CACNA2D1: variants seen among roughly 807,000 people sequenced by gnomAD.
CACNA2D1 encodes the protein calcium voltage-gated channel auxiliary subunit alpha2delta 1.
In CACNA2D1, 53 loss-of-function variants were observed where a neutral mutation model predicts 171.5. That is an observed-to-expected ratio of 0.31 (90% CI 0.25 to 0.39). The LOEUF is 0.39. CACNA2D1 is among the 10% of genes least tolerant of loss of function. CACNA2D1 has a pLI of 1.00. For missense variants in CACNA2D1, 903 were observed against 1,299.8 expected, an observed-to-expected ratio of 0.69 and a Z score of 4.69; for synonymous variants, 442 against 443.1, an observed-to-expected ratio of 1.00 and a Z score of 0.03.
chr7:82,288,486 A>C (rs940763159), intron 3 of CACNA2D1, among the ~76,000 whole-genome samples: 13 of 151,972 alleles, frequency 8.6e-5, no homozygotes, highest in African/African-American at 2.9e-4. Context: ...CTTTTAACAA[A>C]GAGTTATTGA....
At chr7:82,131,275 G>T (rs969514559) in intron 5 of CACNA2D1, among the ~76,000 whole-genome samples, 1 of 152,094 alleles carries the variant, frequency 6.6e-6, no homozygotes, top group Non-Finnish European at 1.5e-5. Flanking sequence ...CCAATCACAG[G>T]CTGCCCACTG....
At chr7:82,324,806 A>G (rs1816443366) in intron 3 of CACNA2D1, among the ~76,000 whole-genome samples, 2 of 152,152 alleles carry the variant, frequency 1.3e-5, no homozygotes, top group African/African-American at 4.8e-5. Context: ...TATTAAGTGG[A>G]AGAAAATAGA....
rs116980126 is a variant in CACNA2D1 at position 82,256,359 on chromosome 7, C to A, written c.294+78776G>T. Among the ~76,000 whole-genome samples, 30 of 152,216 alleles carry A rather than the reference C, an allele frequency of 2.0e-4. No homozygotes were observed. The East Asian group carries it at 5.4e-3, about 27-fold the overall frequency. ...CAGAGTTTGATCTTCTCTCCAAGTTCTTGTGGAATGATTCCATTCAAGCTG... is the reference window on the plus strand; with the variant it reads ...CAGAGTTTGATCTTCTCTCCAAGTTATTGTGGAATGATTCCATTCAAGCTG... On this transcript the variant is annotated intron_variant, in intron 3 of 38. Coordinates refer to ENST00000356860, the MANE Select transcript of CACNA2D1 (RefSeq NM_000722.4).
chr7:82,380,506 A>G (rs1376548109), intron 1 of CACNA2D1, among the ~76,000 whole-genome samples: 2 of 152,302 alleles, frequency 1.3e-5, no homozygotes, highest in African/African-American at 2.4e-5. Flanking sequence ...TTCTGCTAGA[A>G]CATATTTTTA....
chr7:82,010,375 CTTTT>C (rs747804456), intron 15 of CACNA2D1, among the ~76,000 whole-genome samples: 3 of 138,418 alleles, frequency 2.2e-5, no homozygotes. Context: ...TCACGTGTTC[CTTTT>C]TTTTTTTTTT....
intron 10 of CACNA2D1, among the ~76,000 whole-genome samples, chr7:82,044,234 C>T (rs910256379): frequency 2.0e-5 from 3 of 152,068 alleles, no homozygotes; most frequent in African/African-American, 7.2e-5. Context: ...AGACCGTTCT[C>T]CTATGTATGG....
chr7:82,008,782 A>C (rs1309724299), intron 15 of CACNA2D1, among the ~76,000 whole-genome samples: 2 of 152,154 alleles, frequency 1.3e-5, no homozygotes, highest in Non-Finnish European at 2.9e-5. Flanking sequence ...AGAACATTAA[A>C]AATATTTATT....
chr7:82,104,371 T>C (rs1283825793), intron 6 of CACNA2D1, among the ~76,000 whole-genome samples: 1 of 152,052 alleles, frequency 6.6e-6, no homozygotes, highest in Non-Finnish European at 1.5e-5. Context: ...AAAATTAGAC[T>C]GATTTTGGTT....
intron 6 of CACNA2D1, among the ~76,000 whole-genome samples, chr7:82,086,456 C>T (rs1197075629): frequency 6.6e-5 from 10 of 152,014 alleles, no homozygotes; most frequent in African/African-American, 2.2e-4. Flanking sequence ...TCAGATCCAT[C>T]GTGCATCTGA....
At position 82,326,650 on chromosome 7, in the gene CACNA2D1, A is replaced by G. The variant is rs897467247; in HGVS notation, c.294+8485T>C. ...TCTTCTCCATCTAAGTAACCAGCTC[A>G]TTGACTCATGCCTCTACCTTGTTTT... is the stretch of plus-strand genomic sequence containing the variant. On this transcript the variant is annotated intron_variant, in intron 3 of 38. Coordinates refer to ENST00000356860, the MANE Select transcript of CACNA2D1 (RefSeq NM_000722.4). Among the ~76,000 whole-genome samples, 4 of 108,630 alleles carry G rather than the reference A, an allele frequency of 3.7e-5. 1 individual carries two copies. Among genetic ancestry groups the G allele is most frequent in the African/African-American group, 1.2e-4 (4 of 34,482 alleles). 71.3% of individuals were successfully genotyped at this position (108,630 alleles called of 152,430 possible).
chr7:82,128,008 C>G (rs1056020156), intron 5 of CACNA2D1, among the ~76,000 whole-genome samples: 12 of 152,142 alleles, frequency 7.9e-5, no homozygotes, highest in African/African-American at 2.9e-4. Flanking sequence ...ACTGCAGCCC[C>G]GACCTACTGG....
intron 1 of CACNA2D1, among the ~76,000 whole-genome samples, chr7:82,434,629 G>A (rs1271657172): frequency 6.6e-6 from 1 of 152,012 alleles, no homozygotes; most frequent in East Asian, 1.9e-4. Flanking sequence ...GCAGTATTTG[G>A]TTTTCTGTTC....
chr7:82,004,091 T>A (rs1380201959), intron 18 of CACNA2D1, among the ~76,000 whole-genome samples: 3 of 152,152 alleles, frequency 2.0e-5, no homozygotes, highest in Non-Finnish European at 4.4e-5. Flanking sequence ...TAGGGGAATT[T>A]AATTGAAAAT....
At chr7:82,442,654 G>A (rs1234114080) in intron 1 of CACNA2D1, among the ~76,000 whole-genome samples, 2 of 152,148 alleles carry the variant, frequency 1.3e-5, no homozygotes, top group Admixed American at 1.3e-4. Context: ...TAGGAGACTG[G>A]AAATAGTCCC....
intron 3 of CACNA2D1, among the ~76,000 whole-genome samples, chr7:82,226,101 T>C (rs893871391): frequency 5.3e-5 from 8 of 152,222 alleles, no homozygotes; most frequent in Admixed American, 1.3e-4. Context: ...GTTTGCTTAT[T>C]AAGTTGTCAG....
chr7:82,068,732 G>T (rs547552810), intron 7 of CACNA2D1, among the ~76,000 whole-genome samples: 1 of 152,018 alleles, frequency 6.6e-6, no homozygotes, highest in South Asian at 2.1e-4. Context: ...GGTCTGCAAC[G>T]AATCTGATAA....
chr7:82,084,291 C>T (rs1810180078), intron 7 of CACNA2D1, among the ~76,000 whole-genome samples: 1 of 152,050 alleles, frequency 6.6e-6, no homozygotes. Context: ...ATAAGAAAAA[C>T]TCTATTTTCT....
intron 12 of CACNA2D1, chr7:82,028,769 G>A (rs1420594677): frequency 6.6e-6 from 1 of 151,808 alleles, no homozygotes; most frequent in Non-Finnish European, 1.5e-5. Flanking sequence ...AGAACTAGAA[G>A]TGGACACTGA....
At chr7:82,217,046 G>A (rs576844858) in intron 3 of CACNA2D1, among the ~76,000 whole-genome samples, 2 of 151,966 alleles carry the variant, frequency 1.3e-5, no homozygotes, top group Admixed American at 1.3e-4. Context: ...ATAAGGTGCT[G>A]TTTCCTTTAT....
Sources: gnomAD v4.1 joint callset for allele counts (sites outside exome capture counted in the v4.1 genomes callset) on GRCh38, gnomAD v4.1.1 for gene constraint, MANE v1.5 for transcripts, NCBI Gene and HGNC (gene_info 2026-07-23, HGNC 2026-07-21) for gene names.